The following RP1L1 variants were observed in gnomAD, a reference collection of about 807,000 sequenced individuals.
RP1L1 encodes RP1 like 1.
Under a neutral mutation model 15.7 loss-of-function variants are expected in RP1L1, and 27 were observed. That is an observed-to-expected ratio of 1.72 (90% CI 1.27 to 2.38). The LOEUF is 2.38. Ranked by LOEUF, RP1L1 falls within the 30% of genes most tolerant of loss-of-function variation. RP1L1 has a pLI of 0.00. For missense variants in RP1L1, 4,798 were observed against 3,075.9 expected, an observed-to-expected ratio of 1.56 and a Z score of -13.24; for synonymous variants, 1,813 against 1,276.7, an observed-to-expected ratio of 1.42 and a Z score of -8.96.
Position 10,608,639 on chromosome 8 carries a change from G to A in RP1L1, c.5459C>T (p.Ala1820Val), listed in dbSNP as rs200189313. 2 of 1,614,122 alleles carry A rather than the reference G, an allele frequency of 1.2e-6. No individual in the cohort carries two copies. The highest frequency in any genetic ancestry group is 1.1e-5 in the South Asian group (1 of 91,076). The change falls in exon 4 of 4, where the codon GCA (alanine) becomes GTA (valine). Residue 1820 changes from alanine (A) to valine (V), a missense_variant. By Grantham distance (64) the Ala-to-Val change is moderately conservative (BLOSUM62 0). Coordinates refer to ENST00000382483, the MANE Select transcript of RP1L1 (RefSeq NM_178857.6). Reference sequence around the variant, plus strand: ...CTGTCCTGGATCTTGGTCACCTCCTGCCGCAGCTTCACCCTGCAAGTTGTC... The same window carrying A: ...CTGTCCTGGATCTTGGTCACCTCCTACCGCAGCTTCACCCTGCAAGTTGTC... ...HEDNLQGEAA[A>V]GGDQDPGQSD...
chr8:10,609,083 G>A lies in RP1L1; in HGVS notation c.5015C>T (p.Pro1672Leu), dbSNP rs767925466. The A allele has an allele frequency of 6.2e-7, 1 of 1,613,802 alleles. No individual in the cohort carries two copies. Among genetic ancestry groups the A allele is most frequent in the South Asian group, 1.1e-5 (1 of 91,068 alleles). The change falls in exon 4 of 4, where the codon CCC (proline) becomes CTC (leucine). Residue 1672 changes from proline (P) to leucine (L), a missense_variant. Transcript: ENST00000382483. ...TCTGGTTGCCCCCATTGTGGCCTTG[G>A]GGGACATAGGGCTCACTTTCTTCCT... is the stretch of plus-strand genomic sequence containing the variant. ...CVRKKVSPMSPKATMGATRGP... is the reference protein window; with the variant it reads ...CVRKKVSPMSLKATMGATRGP...
chr8:10,627,863 A>G (rs1798182617), intron 1 of RP1L1, among the ~76,000 whole-genome samples: 2 of 152,176 alleles, frequency 1.3e-5, no homozygotes, highest in South Asian at 4.1e-4. Context: ...AAGTAGGCAA[A>G]GAGGGCTCCA....
At position 10,622,774 on chromosome 8, in the gene RP1L1, G is replaced by A. The variant is rs774003548; in HGVS notation, c.428C>T (p.Ser143Phe). Residue 143 changes from serine to phenylalanine, a missense_variant, in exon 2 of 4, where the codon TCC (serine) becomes TTC (phenylalanine). Transcript: ENST00000382483. ...GGGGGTTTTAAGACTCTTCCGGGAG[G>A]AGGAGGTGCCTGGGGCTTCACGCTG... ...EGQREAPGTS[S>F]SRKSLKTPRR... 5.2e-5 allele frequency: 84 copies of A among 1,613,902 alleles called. No individual in the cohort carries two copies. The South Asian group carries it at 5.4e-4, about 10-fold the overall frequency.
At position 10,610,061 on chromosome 8, in the gene RP1L1, CCTT is replaced by C. The variant is rs771277554; in HGVS notation, c.4034_4036del (p.Glu1345del). On this transcript the variant is annotated inframe_deletion, in exon 4 of 4. Transcript: ENST00000382483. ...CGCCTCTTCTTCTTGCTGTCCTTCTCCTTCTGTTTCTTTAGTTTCCTCTAACTG... is the reference window on the plus strand; with the variant it reads ...CGCCTCTTCTTCTTGCTGTCCTTCTCCTGTTTCTTTAGTTTCCTCTAACTG... The C allele has an allele frequency of 3.5e-6, 5 of 1,414,110 alleles. 1 individual carries two copies. The highest frequency in any genetic ancestry group is 4.7e-6 in the Non-Finnish European group (5 of 1,054,132). 87.6% of individuals were successfully genotyped at this position (1,414,110 alleles called of 1,614,324 possible). A position where few individuals can be genotyped will look rare whatever the true frequency, so the allele number is the denominator to read the frequency against.
Position 10,616,576 on chromosome 8 carries a change from C to T in RP1L1, c.621G>A (p.Leu207=). 6.2e-7 allele frequency: 1 copy of T among 1,612,442 alleles called. No homozygotes were observed. Among genetic ancestry groups the T allele is most frequent in the Non-Finnish European group, 8.5e-7 (1 of 1,179,812 alleles). The change falls in exon 3 of 4, where the codon CTG becomes CTA. Residue 207 remains leucine, a synonymous_variant. Coordinates refer to ENST00000382483, the MANE Select transcript of RP1L1 (RefSeq NM_178857.6). ...YTTSGKKVDS[L]QALLHSPSVL... ...CAGAGGGGCTGTGCAGCAGGGCCTG[C>T]AGCGAGTCCACCTGAGGGAGGAGCG...
chr8:10,619,903 G>T lies in RP1L1; in HGVS notation c.609+2690C>A, dbSNP rs530610355. Among the ~76,000 whole-genome samples the T allele has an allele frequency of 1.6e-3, 240 of 147,818 alleles. 1 individual carries two copies. Among genetic ancestry groups the T allele is most frequent in the Non-Finnish European group, 1.4e-3 (92 of 67,572 alleles). On this transcript the variant is annotated intron_variant, in intron 2 of 3. Coordinates refer to ENST00000382483, the MANE Select transcript of RP1L1 (RefSeq NM_178857.6). ...TTGAACCTAGGGGGCAGAGGTTGCAGTGAGCCAAGATCATGCCACTGCGCT... is the reference window on the plus strand; with the variant it reads ...TTGAACCTAGGGGGCAGAGGTTGCATTGAGCCAAGATCATGCCACTGCGCT...
chr8:10,637,557 G>C (rs910093121), intron 1 of RP1L1, among the ~76,000 whole-genome samples: 1 of 152,276 alleles, frequency 6.6e-6, no homozygotes, highest in African/African-American at 2.4e-5. Flanking sequence ...TGTAGCCTGG[G>C]CAACAGAGTG....
At chr8:10,653,078 C>G (rs925615421) in intron 1 of RP1L1, among the ~76,000 whole-genome samples, 11 of 152,176 alleles carry the variant, frequency 7.2e-5, no homozygotes, top group African/African-American at 2.7e-4. Context: ...CAGCAAGCCA[C>G]AGAGTGGTTG....
chr8:10,634,124 G>A (rs963139090), intron 1 of RP1L1, among the ~76,000 whole-genome samples: 6 of 152,256 alleles, frequency 3.9e-5, no homozygotes, highest in South Asian at 2.1e-4. Context: ...AAGAAGAGAA[G>A]TGATGGGAGC....
intron 3 of RP1L1, among the ~76,000 whole-genome samples, chr8:10,614,905 C>T (rs1797941164): frequency 6.6e-6 from 1 of 152,022 alleles, no homozygotes; most frequent in African/African-American, 2.4e-5. Context: ...GCACATGTAC[C>T]CTAAAACTTA....
intron 2 of RP1L1, among the ~76,000 whole-genome samples, chr8:10,618,552 C>A (rs1211750933): frequency 6.6e-6 from 1 of 151,898 alleles, no homozygotes; most frequent in East Asian, 1.9e-4. Flanking sequence ...ATTAGCCAGG[C>A]ATAGTGGCAT....
intron 1 of RP1L1, among the ~76,000 whole-genome samples, chr8:10,637,555 G>A (rs928317556): frequency 6.6e-6 from 1 of 152,086 alleles, no homozygotes; most frequent in African/African-American, 2.4e-5. Flanking sequence ...AATGTAGCCT[G>A]GGCAACAGAG....
At chr8:10,629,714 G>C (rs1404029629) in intron 1 of RP1L1, among the ~76,000 whole-genome samples, 1 of 152,098 alleles carries the variant, frequency 6.6e-6, no homozygotes, top group African/African-American at 2.4e-5. Flanking sequence ...TCCCACGCTG[G>C]CATGGGGGCT....
chr8:10,651,828 TAC>T (rs1491108756), intron 1 of RP1L1, among the ~76,000 whole-genome samples: 3 of 150,830 alleles, frequency 2.0e-5, no homozygotes, highest in Non-Finnish European at 4.4e-5. Context: ...AAGCATACAG[TAC>T]ACAGTCACGC....
rs1403619895 is a variant in RP1L1 at position 10,607,225 on chromosome 8, C to G, written c.6873G>C (p.Arg2291Ser). The G allele has an allele frequency of 2.5e-6, 4 of 1,614,018 alleles. No individual in the cohort carries two copies. The highest frequency in any genetic ancestry group is 3.4e-6 in the Non-Finnish European group (4 of 1,180,000). The change falls in exon 4 of 4, where the codon AGG becomes AGC. Residue 2291 changes from arginine (R) to serine (S), a missense_variant. By Grantham distance (110) the Arg-to-Ser change is moderately radical. Coordinates refer to ENST00000382483, the MANE Select transcript of RP1L1 (RefSeq NM_178857.6). ...PSPGGDTPHQ[R>S]PGSQTGPSSS... ...AGGAAGGGCCTGTTTGGGAGCCTGG[C>G]CTTTGGTGGGGAGTGTCTCCACCTG...
intron 2 of RP1L1, among the ~76,000 whole-genome samples, chr8:10,619,110 TCCAC>T (rs1798018234): frequency 6.6e-6 from 1 of 152,198 alleles, no homozygotes; most frequent in South Asian, 2.1e-4. Flanking sequence ...CCTCAAGTGA[TCCAC>T]CTGCCTCGGC....
At chr8:10,616,856 A>G (rs1190431961) in intron 2 of RP1L1, among the ~76,000 whole-genome samples, 1 of 152,136 alleles carries the variant, frequency 6.6e-6, no homozygotes, top group Non-Finnish European at 1.5e-5. Flanking sequence ...GGCATTCTGG[A>G]TGCCCCTGCT....
intron 1 of RP1L1, among the ~76,000 whole-genome samples, chr8:10,642,853 G>C (rs1169665532): frequency 6.6e-6 from 1 of 152,126 alleles, no homozygotes; most frequent in Admixed American, 6.5e-5. Flanking sequence ...AAATAATAAT[G>C]ATTAGGAAGT....
chr8:10,639,840 T>A (rs763606612), intron 1 of RP1L1, among the ~76,000 whole-genome samples: 1 of 152,222 alleles, frequency 6.6e-6, no homozygotes, highest in Non-Finnish European at 1.5e-5. Flanking sequence ...TCAACAAAAA[T>A]GAAATGAAAA....
Sources: allele counts gnomAD v4.1 joint callset (sites outside exome capture counted in the v4.1 genomes callset), GRCh38; gene constraint gnomAD v4.1.1; transcripts MANE v1.5; gene names NCBI Gene and HGNC (gene_info 2026-07-23, HGNC 2026-07-21).